The following CACNA1B variants were observed in gnomAD, a reference collection of about 807,000 sequenced individuals.
CACNA1B encodes voltage-dependent N-type calcium channel subunit alpha-1B.
In CACNA1B, 70 loss-of-function variants were observed where a neutral mutation model predicts 247.2. That is an observed-to-expected ratio of 0.28 (90% CI 0.23 to 0.35). The LOEUF is 0.35. Among genes scored for constraint, CACNA1B ranks in the 10% least tolerant of loss-of-function variants. The pLI is 1.00. For missense variants in CACNA1B, 2,367 were observed against 3,197.4 expected, an observed-to-expected ratio of 0.74 and a Z score of 6.26; for synonymous variants, 1,231 against 1,294.4, an observed-to-expected ratio of 0.95 and a Z score of 1.05.
Position 138,013,185 on chromosome 9 carries a change from A to C in CACNA1B, c.2217A>C (p.Lys739Asn). The C allele has an allele frequency of 6.2e-7, 1 of 1,611,660 alleles. No individual in the cohort carries two copies. Among genetic ancestry groups the C allele is most frequent in the South Asian group, 1.1e-5 (1 of 90,726 alleles). Residue 739 changes from lysine (K) to asparagine (N), a missense_variant, in exon 18 of 47, where the codon AAA (lysine) becomes AAC (asparagine). By Grantham distance (94) the Lys-to-Asn change is moderately conservative. This residue lies in a region of CACNA1B where 631 missense variants were observed against 631.1 expected (regional missense o/e 1.00). Transcript: ENST00000371372. Reference protein sequence around the residue: ...ANQKLALQKAKEVAEVSPMSA... With the variant: ...ANQKLALQKANEVAEVSPMSA... Reference sequence around the variant, plus strand: ...AGAAGCTTGCTCTGCAAAAGGCCAAAGAAGTGGCTGAAGTCAGCCCCATGT... The same window carrying C: ...AGAAGCTTGCTCTGCAAAAGGCCAACGAAGTGGCTGAAGTCAGCCCCATGT...
rs1384672106 is a variant in CACNA1B, at chr9:138,011,366, GC to G, written c.2160+1295del. ...CCACATACATGTACCCTCATTGGTG[GC>G]CCCCCTTTTGTGTAACTGGCCTCAT... On this transcript the variant is annotated intron_variant, in intron 17 of 46. Coordinates refer to ENST00000371372, the MANE Select transcript of CACNA1B (RefSeq NM_000718.4). The surrounding 1 kb of genome is among the most constrained non-coding windows in gnomAD (Gnocchi z 4.2). Among the ~76,000 whole-genome samples the G allele has an allele frequency of 6.6e-6, 1 of 152,144 alleles. No homozygotes were observed. The highest frequency in any genetic ancestry group is 2.4e-5 in the African/African-American group (1 of 41,420).
intron 6 of CACNA1B, among the ~76,000 whole-genome samples, chr9:137,939,919 A>G (rs1337179452): frequency 6.6e-6 from 1 of 152,060 alleles, no homozygotes; most frequent in Non-Finnish European, 1.5e-5. Context: ...GAATACAGCA[A>G]AGGCAGTGCT....
intron 20 of CACNA1B, 58 bp from the exon 21 acceptor site, chr9:138,043,716 C>T (rs1216342584): frequency 5.6e-6 from 9 of 1,601,038 alleles, no homozygotes; most frequent in South Asian, 4.4e-5. Context: ...GAGGGAGCCA[C>T]GCAACGTGGG....
chr9:137,901,686 ATTTTT>A (rs57624388), intron 3 of CACNA1B, among the ~76,000 whole-genome samples: 7 of 112,376 alleles, frequency 6.2e-5, no homozygotes, highest in East Asian at 2.6e-4. Flanking sequence ...TTTTTTTGTG[ATTTTT>A]TTTTTTTTTT....
In CACNA1B at chr9:138,061,876, C is replaced by T. The variant is rs529489337; in HGVS notation, c.4668+2139C>T. Among the ~76,000 whole-genome samples, 9 of 152,322 alleles carry T rather than the reference C, an allele frequency of 5.9e-5. No homozygotes were observed. In the South Asian group the frequency reaches 6.2e-4, roughly 11 times the overall value. On this transcript the variant is annotated intron_variant, in intron 31 of 46. Coordinates refer to ENST00000371372, the MANE Select transcript of CACNA1B (RefSeq NM_000718.4). The stretch of plus-strand genomic sequence containing the variant: ...CCCAGTGTTGCTGTCTGTTCATTCC[C>T]GGTAGATAATCGTCAGTGGTCATGA...
At chr9:137,972,895 C>T (rs756240895) in intron 11 of CACNA1B, among the ~76,000 whole-genome samples, 1 of 152,222 alleles carries the variant, frequency 6.6e-6, no homozygotes, top group African/African-American at 2.4e-5. Flanking sequence ...TGTCCCAGCT[C>T]CTGACTGACA....
At chr9:138,075,982 G>T (rs1376310568) in intron 35 of CACNA1B, 72 bp downstream of exon 35, 4 of 1,031,394 alleles carry the variant, frequency 3.9e-6, no homozygotes, top group Non-Finnish European at 6.0e-6. Flanking sequence ...GATGAAGAAG[G>T]CTGGGTGTCA....
intron 31 of CACNA1B, among the ~76,000 whole-genome samples, chr9:138,060,476 T>C (rs1959682868): frequency 6.6e-6 from 1 of 152,074 alleles, no homozygotes; most frequent in South Asian, 2.1e-4. Context: ...TCCTGGTGGG[T>C]CAGTGTGGGT....
At chr9:137,984,779 C>A (rs753095719) in intron 13 of CACNA1B, among the ~76,000 whole-genome samples, 14 of 152,198 alleles carry the variant, frequency 9.2e-5, no homozygotes, top group Non-Finnish European at 2.1e-4. Flanking sequence ...ATGGCAGTGA[C>A]AAGACCATGT....
At chr9:137,920,896 G>A (rs1957469835) in intron 6 of CACNA1B, among the ~76,000 whole-genome samples, 1 of 152,324 alleles carries the variant, frequency 6.6e-6, no homozygotes, top group South Asian at 2.1e-4. Flanking sequence ...CGGGAGACAC[G>A]AATTTACTTA....
intron 20 of CACNA1B, among the ~76,000 whole-genome samples, chr9:138,026,067 G>C (rs1958917481): frequency 6.6e-6 from 1 of 152,186 alleles, no homozygotes; most frequent in Non-Finnish European, 1.5e-5. Context: ...CGTGTTTGCA[G>C]ATGCATCCGC....
At chr9:138,083,615 G>C (rs1485318766) in intron 36 of CACNA1B, among the ~76,000 whole-genome samples, 1 of 145,144 alleles carries the variant, frequency 6.9e-6, no homozygotes, top group Admixed American at 6.9e-5. Flanking sequence ...ACTGAGGGCT[G>C]TGCATCCCAG....
chr9:137,880,085 A>T lies in CACNA1B; in HGVS notation c.390+926A>T, dbSNP rs1472226831. On this transcript the variant is annotated intron_variant, in intron 2 of 46. Transcript: ENST00000371372. The surrounding 1 kb of genome is among the most constrained non-coding windows in gnomAD (Gnocchi z 4.8). ...TCCCTTAAGCCTGGCTTCCGCCCCC[A>T]CTAGCATCCTGAGACAAGAGCTATT... is the stretch of plus-strand genomic sequence containing the variant. Among the ~76,000 whole-genome samples, 1 of 152,156 alleles carries T rather than the reference A, an allele frequency of 6.6e-6. No individual in the cohort carries two copies. The highest frequency in any genetic ancestry group is 1.9e-4 in the East Asian group (1 of 5,190).
At chr9:137,924,809 C>T (rs778103970) in intron 6 of CACNA1B, among the ~76,000 whole-genome samples, 11 of 152,204 alleles carry the variant, frequency 7.2e-5, no homozygotes, top group South Asian at 4.1e-4. Flanking sequence ...GTGTTTTGAG[C>T]ACCCCTGGAG....
rs1251443498 is a variant in CACNA1B at position 137,973,581 on chromosome 9, C to T, written c.1543+1989C>T. Reference sequence around the variant, plus strand: ...AGACTTGCTCACCCTCCCTCTGCTCCCATAGCACACCATCCTCTTGGAAGA... The same window carrying T: ...AGACTTGCTCACCCTCCCTCTGCTCTCATAGCACACCATCCTCTTGGAAGA... On this transcript the variant is annotated intron_variant, in intron 11 of 46. Coordinates refer to ENST00000371372, the MANE Select transcript of CACNA1B (RefSeq NM_000718.4). The surrounding 1 kb of genome is among the most constrained non-coding windows in gnomAD (Gnocchi z 4.1). Among the ~76,000 whole-genome samples, 1 of 152,196 alleles carries T rather than the reference C, an allele frequency of 6.6e-6. No homozygotes were observed. The highest frequency in any genetic ancestry group is 1.5e-5 in the Non-Finnish European group (1 of 68,036).
At chr9:137,918,211 G>GA (rs1554926109) in intron 6 of CACNA1B, among the ~76,000 whole-genome samples, 19 of 133,228 alleles carry the variant, frequency 1.4e-4, no homozygotes, top group Admixed American at 1.3e-3. Context: ...TATAAGGCTT[G>GA]GGGGGGGTGC....
Position 138,023,513 on chromosome 9 carries a change from C to T in CACNA1B, c.2770C>T (p.Pro924Ser). The T allele has an allele frequency of 9.3e-7, 1 of 1,076,806 alleles. No individual in the cohort carries two copies. The highest frequency in any genetic ancestry group is 1.1e-6 in the Non-Finnish European group (1 of 892,416). 66.7% of individuals were successfully genotyped at this position (1,076,806 alleles called of 1,614,324 possible). Residue 924 changes from proline (P) to serine (S), a missense_variant, in exon 19 of 47, where the codon CCG becomes TCG. Physicochemically the swap from Pro to Ser is moderately conservative, Grantham distance 74. Transcript: ENST00000371372. ...CCGGCGGCACCACCGGCGCGGCTCC[C>T]CGGAGGAGGCGGCCGAGCGGGAGCC... ...GGRRHHRRGS[P>S]EEAAEREPRR...
chr9:138,052,123 A>G lies in CACNA1B; in HGVS notation c.3742A>G (p.Lys1248Glu). Residue 1248 changes from lysine (K) to glutamate (E), a missense_variant, in exon 25 of 47, where the codon AAG becomes GAG. Coordinates refer to ENST00000371372, the MANE Select transcript of CACNA1B (RefSeq NM_000718.4). The surrounding 1 kb of genome is among the most constrained non-coding windows in gnomAD (Gnocchi z 5.1). ...CAAAGGGAAAGACATCAATACCATC[A>G]AGTCTCTGAGAGTCCTTCGTGTCCT... ...GSKGKDINTI[K>E]SLRVLRVLRP... is the part of the protein sequence containing the mutation. 6.2e-7 allele frequency: 1 copy of G among 1,611,826 alleles called. No homozygotes were observed. Among genetic ancestry groups the G allele is most frequent in the Non-Finnish European group, 8.5e-7 (1 of 1,178,218 alleles).
intron 39 of CACNA1B, among the ~76,000 whole-genome samples, chr9:138,107,657 C>A (rs1247125752): frequency 6.6e-6 from 1 of 152,032 alleles, no homozygotes; most frequent in Non-Finnish European, 1.5e-5. Context: ...CTTCTGTCTG[C>A]CTTCAACACA....
Sources: allele counts gnomAD v4.1 joint callset (sites outside exome capture counted in the v4.1 genomes callset), GRCh38; gene constraint gnomAD v4.1.1; regional missense constraint gnomAD v4.1.1; non-coding constraint Gnocchi (gnomAD v3.1); transcripts MANE v1.5; gene names NCBI Gene and HGNC (gene_info 2026-07-23, HGNC 2026-07-21).